Variants in LCLAT1 observed in about 807,000 individuals in gnomAD.
LCLAT1 encodes the protein 1-AGP acyltransferase 8.
In LCLAT1, 11 loss-of-function variants were observed where a neutral mutation model predicts 30.7. The ratio of observed to expected loss-of-function variants is 0.36; its 90% CI spans 0.23 to 0.59. The LOEUF (loss-of-function observed/expected upper bound fraction) is 0.59, where lower values mean the gene tolerates loss of function less well. Ranked by LOEUF, LCLAT1 falls within the 20% of genes least tolerant of loss-of-function variation. The pLI, the probability that LCLAT1 is intolerant of heterozygous loss-of-function variation, is 0.77. For synonymous variants in LCLAT1, 155 were observed against 151.3 expected (o/e 1.02, Z -0.18); for missense variants, 402 against 458.6 (o/e 0.88, Z 1.13).
intron 3 of LCLAT1, among the ~76,000 whole-genome samples, chr2:30,554,653 A>G (rs1182061714): frequency 6.6e-6 from 1 of 152,226 alleles, no homozygotes; most frequent in Non-Finnish European, 1.5e-5. Flanking sequence ...GACATATAGT[A>G]AGCACACAGT....
At chr2:30,534,188 T>C (rs959041605) in intron 3 of LCLAT1, among the ~76,000 whole-genome samples, 1 of 151,078 alleles carries the variant, frequency 6.6e-6, no homozygotes, top group African/African-American at 2.4e-5. Flanking sequence ...CTAGTAAGGA[T>C]AGACTAGCAA....
At chr2:30,630,775 G>A (rs1038067493) in intron 5 of LCLAT1, among the ~76,000 whole-genome samples, 1 of 152,180 alleles carries the variant, frequency 6.6e-6, no homozygotes, top group Non-Finnish European at 1.5e-5. Context: ...TCACTTAAAA[G>A]GGACTTGACC....
At chr2:30,634,721 G>A (rs537305763) in intron 5 of LCLAT1, among the ~76,000 whole-genome samples, 11 of 152,344 alleles carry the variant, frequency 7.2e-5, no homozygotes. Flanking sequence ...CATGCCAAAA[G>A]ATTTAAAGGC....
chr2:30,537,103 C>T (rs551231015), intron 3 of LCLAT1, among the ~76,000 whole-genome samples: 12 of 152,232 alleles, frequency 7.9e-5, no homozygotes, highest in South Asian at 6.2e-4. Flanking sequence ...TCAAGTTGGC[C>T]GGGCGCGGTG....
intron 5 of LCLAT1, among the ~76,000 whole-genome samples, chr2:30,597,186 A>C (rs1407528168): frequency 6.6e-6 from 1 of 151,284 alleles, no homozygotes; most frequent in African/African-American, 2.4e-5. Flanking sequence ...GAAGAATGTC[A>C]ACGGCAGTTT....
chr2:30,640,653 A>G lies in LCLAT1; in HGVS notation c.*34A>G. 1 of 1,538,762 alleles carries G rather than the reference A, an allele frequency of 6.5e-7. No individual in the cohort carries two copies. The highest frequency in any genetic ancestry group is 8.7e-7 in the Non-Finnish European group (1 of 1,148,266). ...GGTTTGCCATGTGAAAACCTAGAGCATATTTTGGAAATGTTCTAAACCTTT... is the reference window on the plus strand; with the variant it reads ...GGTTTGCCATGTGAAAACCTAGAGCGTATTTTGGAAATGTTCTAAACCTTT... On this transcript the variant is annotated 3_prime_UTR_variant, in exon 6 of 6. Coordinates refer to ENST00000379509, the MANE Select transcript of LCLAT1 (RefSeq NM_001002257.3).
intron 5 of LCLAT1, among the ~76,000 whole-genome samples, chr2:30,605,316 T>G (rs950597530): frequency 1.3e-5 from 2 of 152,216 alleles, no homozygotes; most frequent in African/African-American, 4.8e-5. Flanking sequence ...TTTCATCTCA[T>G]TAGGCCACCT....
At chr2:30,501,096 GTA>G (rs771820360) in intron 1 of LCLAT1, among the ~76,000 whole-genome samples, 7,905 of 119,792 alleles carry the variant, frequency 0.066, 234 homozygotes, top group East Asian at 0.16. Context: ...GTGTGTGTGT[GTA>G]TGTGTGTGTG....
At chr2:30,614,547 G>A (rs1161081599) in intron 5 of LCLAT1, among the ~76,000 whole-genome samples, 3 of 152,136 alleles carry the variant, frequency 2.0e-5, no homozygotes. Context: ...AGGCAGTTTT[G>A]CCTTTTAACT....
intron 5 of LCLAT1, 74 bp from the exon 6 acceptor site, chr2:30,640,043 C>T: frequency 1.6e-6 from 2 of 1,232,770 alleles, no homozygotes; most frequent in Middle Eastern, 1.9e-4. Flanking sequence ...CTGGTGCTGC[C>T]CTGCAGTGTG....
intron 1 of LCLAT1, among the ~76,000 whole-genome samples, chr2:30,486,042 C>A (rs1683542792): frequency 6.6e-6 from 1 of 152,066 alleles, no homozygotes; most frequent in South Asian, 2.1e-4. Context: ...TATATTTAAA[C>A]CCTTATGGCT....
chr2:30,559,334 T>C (rs1197330570), intron 3 of LCLAT1, among the ~76,000 whole-genome samples: 1 of 152,212 alleles, frequency 6.6e-6, no homozygotes, highest in Admixed American at 6.5e-5. Flanking sequence ...CACACTTCAC[T>C]GTAAGTTATA....
At chr2:30,611,485 CCT>C (rs1159203432) in intron 5 of LCLAT1, among the ~76,000 whole-genome samples, 25 of 152,156 alleles carry the variant, frequency 1.6e-4, no homozygotes, top group East Asian at 1.5e-3. Context: ...CCAGCCGTAT[CCT>C]CTTTATTTTC....
chr2:30,585,807 C>T (rs547865646), intron 5 of LCLAT1, among the ~76,000 whole-genome samples: 6 of 152,146 alleles, frequency 3.9e-5, no homozygotes, highest in Non-Finnish European at 8.8e-5. Flanking sequence ...TGGGTCTTGC[C>T]TGCTGCTTGC....
intron 3 of LCLAT1, among the ~76,000 whole-genome samples, chr2:30,543,624 T>C (rs1664255180): frequency 6.6e-6 from 1 of 152,156 alleles, no homozygotes; most frequent in African/African-American, 2.4e-5. Context: ...TTGAATTCTT[T>C]AGTTCATCTG....
chr2:30,470,715 G>T (rs1203083282), intron 1 of LCLAT1, among the ~76,000 whole-genome samples: 3 of 152,030 alleles, frequency 2.0e-5, no homozygotes, highest in African/African-American at 7.2e-5. Context: ...CTCCAACTTT[G>T]TTCTTTTTCA....
At chr2:30,550,034 A>G (rs764570841) in intron 3 of LCLAT1, among the ~76,000 whole-genome samples, 2 of 152,208 alleles carry the variant, frequency 1.3e-5, no homozygotes, top group Non-Finnish European at 2.9e-5. Context: ...TATTACAACC[A>G]AGTAATATGG....
chr2:30,534,537 C>G (rs1048197939), intron 3 of LCLAT1, among the ~76,000 whole-genome samples: 18 of 152,190 alleles, frequency 1.2e-4, no homozygotes, highest in African/African-American at 4.1e-4. Flanking sequence ...GTTGGCCTCC[C>G]AAAGTGCTGG....
intron 1 of LCLAT1, among the ~76,000 whole-genome samples, chr2:30,520,236 G>A (rs2148373933): frequency 6.6e-6 from 1 of 152,302 alleles, no homozygotes; most frequent in East Asian, 1.9e-4. Flanking sequence ...CATCTTGGGA[G>A]TTCTAAGAAC....
Sources: gnomAD v4.1 joint callset for allele counts (sites outside exome capture counted in the v4.1 genomes callset) on GRCh38, gnomAD v4.1.1 for gene constraint, MANE v1.5 for transcripts, NCBI Gene and HGNC (gene_info 2026-07-23, HGNC 2026-07-21) for gene names.